TBCK: variants seen among roughly 807,000 people sequenced by gnomAD.
TBCK encodes the protein TBC1 domain containing kinase.
TBCK carries 99 observed loss-of-function variants against 113.4 expected under a neutral mutation model. The observed-to-expected ratio is 0.87, with a 90% CI of 0.74 to 1.03. The LOEUF (loss-of-function observed/expected upper bound fraction) is 1.03. Ranked by LOEUF, TBCK falls within the 50% of genes least tolerant of loss-of-function variation. The pLI is 0.00. For missense variants in TBCK, 1,045 were observed against 1,061.3 expected (o/e 0.98, Z 0.21); for synonymous variants, 369 against 370.8 (o/e 1.00, Z 0.05).
At chr4:106,090,880 G>C (rs965612118) in intron 25 of TBCK, among the ~76,000 whole-genome samples, 3 of 152,088 alleles carry the variant, frequency 2.0e-5, no homozygotes, top group African/African-American at 7.2e-5. Flanking sequence ...CAGCATTTTG[G>C]TTATAACTAT....
At chr4:106,225,176 A>G (rs981641074) in intron 19 of TBCK, among the ~76,000 whole-genome samples, 11 of 152,046 alleles carry the variant, frequency 7.2e-5, no homozygotes, top group Non-Finnish European at 1.3e-4. Context: ...CTTATGTAAC[A>G]TATGGTCAAT....
At chr4:106,059,179 T>C (rs1279300883) in intron 25 of TBCK, among the ~76,000 whole-genome samples, 1 of 139,730 alleles carries the variant, frequency 7.2e-6, no homozygotes, top group Non-Finnish European at 1.6e-5. Context: ...TTTTTGGCCT[T>C]AGTTTTGTTA....
intron 25 of TBCK, among the ~76,000 whole-genome samples, chr4:106,093,066 T>C (rs1740492561): frequency 6.6e-6 from 1 of 152,232 alleles, no homozygotes; most frequent in African/African-American, 2.4e-5. Context: ...GAAATAGGTG[T>C]ATTGAGATTG....
At chr4:106,282,895 A>G (rs1260362416) in intron 3 of TBCK, among the ~76,000 whole-genome samples, 2 of 152,130 alleles carry the variant, frequency 1.3e-5, no homozygotes, top group Admixed American at 6.6e-5. Context: ...AATCAAGAAA[A>G]CAGATACCTC....
intron 23 of TBCK, among the ~76,000 whole-genome samples, chr4:106,159,328 A>C (rs1749485941): frequency 2.0e-5 from 3 of 152,122 alleles, no homozygotes; most frequent in Admixed American, 2.0e-4. Context: ...ATCCACTGAA[A>C]AGTAAGAAGT....
chr4:106,197,261 T>A (rs531934731), intron 20 of TBCK, among the ~76,000 whole-genome samples: 1 of 151,810 alleles, frequency 6.6e-6, no homozygotes, highest in African/African-American at 2.4e-5. Flanking sequence ...CCTGGAAGAT[T>A]CTGCCAGAGA....
At chr4:106,059,106 C>T (rs1024179679) in intron 25 of TBCK, among the ~76,000 whole-genome samples, 3 of 151,630 alleles carry the variant, frequency 2.0e-5, no homozygotes, top group African/African-American at 7.3e-5. Context: ...GACAGATAGC[C>T]CTGGGTCTGA....
At chr4:106,214,739 T>C (rs1441918242) in intron 19 of TBCK, among the ~76,000 whole-genome samples, 4 of 151,654 alleles carry the variant, frequency 2.6e-5, no homozygotes, top group South Asian at 2.1e-4. Context: ...CTACGTCTGA[T>C]TGGTGTACCT....
intron 23 of TBCK, among the ~76,000 whole-genome samples, chr4:106,167,301 C>T (rs1750518899): frequency 6.7e-6 from 1 of 150,116 alleles, no homozygotes; most frequent in Non-Finnish European, 1.5e-5. Flanking sequence ...AAACAGAACA[C>T]CTTTAATTAA....
chr4:106,059,896 G>T (rs988860462), intron 25 of TBCK, among the ~76,000 whole-genome samples: 2 of 151,728 alleles, frequency 1.3e-5, no homozygotes, highest in African/African-American at 2.4e-5. Flanking sequence ...CAAACGATAA[G>T]AAAGCAAAAC....
At chr4:106,202,092 T>A (rs1453764136) in intron 20 of TBCK, among the ~76,000 whole-genome samples, 1 of 151,916 alleles carries the variant, frequency 6.6e-6, no homozygotes, top group Admixed American at 6.6e-5. Flanking sequence ...GTTACAATGA[T>A]CACCCAGAAT....
intron 22 of TBCK, among the ~76,000 whole-genome samples, chr4:106,190,588 ATTGTT>A (rs1210394058): frequency 6.6e-6 from 1 of 152,232 alleles, no homozygotes; most frequent in East Asian, 1.9e-4. Flanking sequence ...TCAAAGCCTT[ATTGTT>A]TTAAGAGACC....
intron 23 of TBCK, among the ~76,000 whole-genome samples, chr4:106,133,012 G>C (rs1248367078): frequency 1.3e-5 from 2 of 152,184 alleles, no homozygotes; most frequent in African/African-American, 4.8e-5. Flanking sequence ...TGAGACTTTG[G>C]ACTGTGGACT....
chr4:106,187,803 T>C (rs149937669), intron 22 of TBCK, among the ~76,000 whole-genome samples: 50 of 152,312 alleles, frequency 3.3e-4, no homozygotes, highest in African/African-American at 1.2e-3. Context: ...GTAATGTATT[T>C]TTTTATTGGC....
intron 23 of TBCK, chr4:106,163,522 C>A (rs1026545270): frequency 1.3e-5 from 2 of 152,268 alleles, no homozygotes; most frequent in Non-Finnish European, 2.9e-5. Flanking sequence ...ATACCCCAAA[C>A]TGGGTAATTT....
At chr4:106,163,749 C>CA (rs1750060252) in intron 23 of TBCK, 1 of 152,086 alleles carries the variant, frequency 6.6e-6, no homozygotes, top group Non-Finnish European at 1.5e-5. Flanking sequence ...CCCTATTATT[C>CA]AATTACTCCA....
chr4:106,112,348 C>T (rs969269935), intron 24 of TBCK, among the ~76,000 whole-genome samples: 5 of 152,282 alleles, frequency 3.3e-5, no homozygotes, highest in African/African-American at 1.2e-4. Flanking sequence ...TGACAAACTC[C>T]TTCAGTTCTT....
chr4:106,182,493 T>C (rs1752510962), intron 22 of TBCK: 1 of 152,162 alleles, frequency 6.6e-6, no homozygotes, highest in African/African-American at 2.4e-5. Context: ...CAGTATGATA[T>C]TGGCTGTGGG....
chr4:106,049,019 T>C (rs1734511726), intron 25 of TBCK, among the ~76,000 whole-genome samples: 1 of 152,154 alleles, frequency 6.6e-6, no homozygotes, highest in Non-Finnish European at 1.5e-5. Flanking sequence ...AGAGCAACTG[T>C]TGAGTTTTCA....
Sources: gnomAD v4.1 joint callset for allele counts (sites outside exome capture counted in the v4.1 genomes callset) on GRCh38, gnomAD v4.1.1 for gene constraint, MANE v1.5 for transcripts, NCBI Gene and HGNC (gene_info 2026-07-23, HGNC 2026-07-21) for gene names.